HIKESHI: variants seen among roughly 807,000 people sequenced by gnomAD.
HIKESHI encodes heat shock protein nuclear import factor hikeshi.
Under a neutral mutation model 25.7 loss-of-function variants are expected in HIKESHI, and 13 were observed. The ratio of observed to expected loss-of-function variants is 0.51; its 90% CI spans 0.33 to 0.80. The LOEUF (loss-of-function observed/expected upper bound fraction) is 0.80, where lower values mean the gene tolerates loss of function less well. Ranked by LOEUF, HIKESHI falls within the 30% of genes least tolerant of loss-of-function variation. The probability of loss-of-function intolerance (pLI) is 0.02; values close to 1 mark genes in which losing one functional copy is unlikely to be tolerated. For missense variants in HIKESHI, 174 were observed against 229.5 expected (o/e 0.76, Z 1.56); for synonymous variants, 76 against 78.7 (o/e 0.97, Z 0.18).
intron 2 of HIKESHI, among the ~76,000 whole-genome samples, chr11:86,321,721 G>A (rs1411024869): frequency 2.0e-5 from 3 of 151,960 alleles, no homozygotes; most frequent in African/African-American, 7.3e-5. Flanking sequence ...GTAGAGATGG[G>A]GTTTCACCAT....
intron 2 of HIKESHI, among the ~76,000 whole-genome samples, chr11:86,309,270 G>A (rs563222444): frequency 1.4e-4 from 21 of 152,206 alleles, no homozygotes; most frequent in Admixed American, 2.6e-4. Flanking sequence ...TCTAACTGGC[G>A]TGAGATGGTA....
chr11:86,323,818 T>C (rs774837358), intron 2 of HIKESHI, among the ~76,000 whole-genome samples: 2 of 152,214 alleles, frequency 1.3e-5, no homozygotes, highest in African/African-American at 2.4e-5. Context: ...TTAATCCAAT[T>C]ACTGTATCTG....
At chr11:86,312,474 C>G (rs568687865) in intron 2 of HIKESHI, among the ~76,000 whole-genome samples, 1 of 152,260 alleles carries the variant, frequency 6.6e-6, no homozygotes, top group African/African-American at 2.4e-5. Context: ...GATGGGTCTC[C>G]TGAATACAGC....
intron 3 of HIKESHI, among the ~76,000 whole-genome samples, chr11:86,342,358 A>G (rs1202874738): frequency 6.6e-6 from 1 of 152,164 alleles, no homozygotes; most frequent in Non-Finnish European, 1.5e-5. Context: ...TTTTACATAC[A>G]GATATACTAT....
chr11:86,309,608 C>G (rs1946777790), intron 2 of HIKESHI, among the ~76,000 whole-genome samples: 1 of 152,090 alleles, frequency 6.6e-6, no homozygotes, highest in South Asian at 2.1e-4. Context: ...GCTTTTGTTG[C>G]CATTGCTTTT....
chr11:86,330,982 C>T (rs1039536592), intron 2 of HIKESHI, among the ~76,000 whole-genome samples: 4 of 152,140 alleles, frequency 2.6e-5, no homozygotes, highest in African/African-American at 7.2e-5. Flanking sequence ...ATACTCATTA[C>T]TGGTTGTATA....
intron 2 of HIKESHI, among the ~76,000 whole-genome samples, chr11:86,308,049 T>A (rs1472207680): frequency 8.0e-6 from 1 of 125,124 alleles, no homozygotes; most frequent in Non-Finnish European, 1.5e-5. Flanking sequence ...ATATATAAAT[T>A]ACATATAATA....
At chr11:86,312,006 C>T (rs548844725) in intron 2 of HIKESHI, among the ~76,000 whole-genome samples, 24 of 152,078 alleles carry the variant, frequency 1.6e-4, no homozygotes, top group African/African-American at 4.6e-4. Flanking sequence ...GGAATAAGTG[C>T]GATGTGGTGC....
At chr11:86,326,714 T>C (rs1237273241) in intron 2 of HIKESHI, 2 of 361,996 alleles carry the variant, frequency 5.5e-6, no homozygotes, top group Non-Finnish European at 1.1e-5. Context: ...TGGATGGGAA[T>C]CACACTTGGA....
Position 86,337,398 on chromosome 11 carries a change from T to A in HIKESHI, c.288T>A (p.Pro96=). The change falls in exon 3 of 5, where the codon CCT becomes CCA. Residue 96 remains proline, a synonymous_variant. Coordinates refer to ENST00000278483, the MANE Select transcript of HIKESHI (RefSeq NM_016401.4). ...TTGCAGGAGAAGGAAGCCAACATCCTTTTGGAGCCATGAATATTGTCCGAA... is the reference window on the plus strand; with the variant it reads ...TTGCAGGAGAAGGAAGCCAACATCCATTTGGAGCCATGAATATTGTCCGAA... ...GLKSGEGSQH[P]FGAMNIVRTP... 6.2e-7 allele frequency: 1 copy of A among 1,613,264 alleles called. No individual in the cohort carries two copies. Among genetic ancestry groups the A allele is most frequent in the South Asian group, 1.1e-5 (1 of 90,778 alleles).
At chr11:86,341,097 G>C (rs1947713112) in intron 3 of HIKESHI, among the ~76,000 whole-genome samples, 1 of 151,982 alleles carries the variant, frequency 6.6e-6, no homozygotes, top group South Asian at 2.1e-4. Flanking sequence ...AAAAAACCTT[G>C]CTTAAAATCT....
intron 1 of HIKESHI, among the ~76,000 whole-genome samples, chr11:86,304,239 C>T (rs291244): frequency 0.62 from 94,201 of 151,906 alleles, 29,395 homozygotes; most frequent in East Asian, 0.79. Flanking sequence ...TATATTTTTC[C>T]TAAGTTTATT....
chr11:86,312,558 AT>A (rs1946861961), intron 2 of HIKESHI, among the ~76,000 whole-genome samples: 1 of 152,138 alleles, frequency 6.6e-6, no homozygotes, highest in Admixed American at 6.5e-5. Flanking sequence ...GCCCATTTAC[AT>A]TTAAGGTTAA....
chr11:86,315,469 C>T (rs776794017), intron 2 of HIKESHI, among the ~76,000 whole-genome samples: 36 of 152,180 alleles, frequency 2.4e-4, no homozygotes, highest in Non-Finnish European at 4.1e-4. Flanking sequence ...TACAGGTGCA[C>T]ACCACCATGC....
intron 2 of HIKESHI, among the ~76,000 whole-genome samples, chr11:86,324,918 C>T (rs893078457): frequency 1.2e-4 from 18 of 152,224 alleles, no homozygotes; most frequent in African/African-American, 4.1e-4. Context: ...GTGGCTCACG[C>T]CTGTAATTTC....
intron 2 of HIKESHI, among the ~76,000 whole-genome samples, chr11:86,308,577 T>TTATTTATTTATTTATTTATTTATTTATC (rs1555183545): frequency 2.7e-5 from 4 of 150,900 alleles, no homozygotes; most frequent in Non-Finnish European, 4.4e-5. Context: ...ATTTATTTAT[T>TTATTTATTTATTTATTTATTTATTTATC]TATCTATAAT....
chr11:86,328,906 T>TTGTG (rs139954147), intron 2 of HIKESHI, among the ~76,000 whole-genome samples: 23 of 145,306 alleles, frequency 1.6e-4, no homozygotes, highest in African/African-American at 3.5e-4. Context: ...GTTTTGTGTT[T>TTGTG]TGTGTGTGTG....
intron 2 of HIKESHI, among the ~76,000 whole-genome samples, chr11:86,332,209 C>T (rs929682546): frequency 2.6e-5 from 4 of 152,028 alleles, no homozygotes; most frequent in Non-Finnish European, 5.9e-5. Flanking sequence ...TGTGATCTGC[C>T]CGCCTCGGCC....
intron 2 of HIKESHI, among the ~76,000 whole-genome samples, chr11:86,318,053 C>A (rs1273840047): frequency 6.6e-6 from 1 of 151,860 alleles, no homozygotes; most frequent in Non-Finnish European, 1.5e-5. Context: ...GCCTGTAATC[C>A]CAGCACTTTG....
Sources: allele counts gnomAD v4.1 joint callset (sites outside exome capture counted in the v4.1 genomes callset), GRCh38; gene constraint gnomAD v4.1.1; transcripts MANE v1.5; gene names NCBI Gene and HGNC (gene_info 2026-07-23, HGNC 2026-07-21).